Variants in ABCA12 observed in about 807,000 individuals in gnomAD.
ABCA12 encodes glucosylceramide transporter ABCA12.
ABCA12 carries 156 observed loss-of-function variants against 293.5 expected under a neutral mutation model. The ratio of observed to expected loss-of-function variants is 0.53; its 90% CI spans 0.47 to 0.61. The LOEUF (loss-of-function observed/expected upper bound fraction) is 0.61. ABCA12 is among the 20% of genes least tolerant of loss of function. The pLI, the probability that ABCA12 is intolerant of heterozygous loss-of-function variation, is 0.00. For missense variants in ABCA12, 2,797 were observed against 3,090.2 expected, an observed-to-expected ratio of 0.91 and a Z score of 2.25; for synonymous variants, 1,063 against 1,108.0, an observed-to-expected ratio of 0.96 and a Z score of 0.81.
chr2:215,097,534 G>A (rs572699593), intron 2 of ABCA12, among the ~76,000 whole-genome samples: 17 of 152,242 alleles, frequency 1.1e-4, no homozygotes, highest in African/African-American at 4.1e-4. Flanking sequence ...TTTGGGGTGT[G>A]CACAGCTGGG....
intron 2 of ABCA12, 109 bp from the exon 3 acceptor site, chr2:215,064,328 C>A: frequency 8.5e-7 from 1 of 1,182,968 alleles, no homozygotes; most frequent in Non-Finnish European, 1.2e-6. Context: ...TACCACTCTC[C>A]GGGTCCCCCA....
At chr2:214,996,895 T>G (rs1559137505) in intron 23 of ABCA12, among the ~76,000 whole-genome samples, 1 of 152,216 alleles carries the variant, frequency 6.6e-6, no homozygotes, top group Non-Finnish European at 1.5e-5. Flanking sequence ...CAATAATTAT[T>G]GTGCCCCAGT....
intron 30 of ABCA12, among the ~76,000 whole-genome samples, 184 bp from the exon 31 acceptor site, chr2:214,980,827 A>G (rs1277406424): frequency 6.6e-6 from 1 of 152,148 alleles, no homozygotes; most frequent in Non-Finnish European, 1.5e-5. Flanking sequence ...GGCCAGGCTC[A>G]CTGGTTCACG....
At chr2:215,128,378 T>C (rs1702974448) in intron 1 of ABCA12, among the ~76,000 whole-genome samples, 1 of 152,216 alleles carries the variant, frequency 6.6e-6, no homozygotes, top group African/African-American at 2.4e-5. Context: ...CCTCAATTAT[T>C]CCCCTAAATG....
Position 215,049,637 on chromosome 2 carries a change from G to A in ABCA12, c.682C>T (p.Gln228Ter). 1.2e-6 allele frequency: 2 copies of A among 1,613,232 alleles called. No homozygotes were observed. The highest frequency in any genetic ancestry group is 1.1e-5 in the South Asian group (1 of 91,060). The change falls in exon 6 of 53, where the codon CAG becomes TAG. Residue 228 changes from glutamine to a stop codon, truncating the protein, a stop_gained. Coordinates refer to ENST00000272895, the MANE Select transcript of ABCA12 (RefSeq NM_173076.3). LOFTEE classifies it high-confidence loss of function. ...LESSLQELNK[Q>*]FSQLSSDPNN... ...AGATCTACACTCACCTGGGAGAACT[G>A]TTTGTTTAGTTCTTGGAGAGAAGAC... is the stretch of plus-strand genomic sequence containing the variant.
intron 31 of ABCA12, 64 bp downstream of exon 31, chr2:214,980,419 C>A (rs1699620176): frequency 6.3e-7 from 1 of 1,596,398 alleles, no homozygotes; most frequent in South Asian, 1.1e-5. Context: ...AGAGACTCTG[C>A]TCCTATTTCA....
chr2:215,082,089 G>GGCTAGAGT lies in ABCA12; in HGVS notation c.164-17878_164-17871dup, dbSNP rs772975387. Among the ~76,000 whole-genome samples the GGCTAGAGT allele has an allele frequency of 1.2e-3, 154 of 125,348 alleles. 1 individual carries two copies. The highest frequency in any genetic ancestry group is 2.0e-3 in the Non-Finnish European group (130 of 63,894). 82.2% of individuals were successfully genotyped at this position (125,348 alleles called of 152,430 possible). On this transcript the variant is annotated intron_variant, in intron 2 of 52. Transcript: ENST00000272895. ...AGACAGAGTCTTGCTCTGTTGGCCA[G>GGCTAGAGT]GCTAGAGTGCAGTGGCACGATCTCG...
chr2:215,089,752 C>A (rs974214666), intron 2 of ABCA12, among the ~76,000 whole-genome samples: 3 of 152,198 alleles, frequency 2.0e-5, no homozygotes, highest in African/African-American at 7.2e-5. Context: ...TTTCTCAAAT[C>A]TTAGGATAAT....
At chr2:215,084,033 A>G (rs1488568032) in intron 2 of ABCA12, among the ~76,000 whole-genome samples, 1 of 152,156 alleles carries the variant, frequency 6.6e-6, no homozygotes, top group Non-Finnish European at 1.5e-5. Flanking sequence ...GCTGGAGTAC[A>G]GTGACATGAT....
chr2:215,030,465 G>C (rs4270341), intron 9 of ABCA12, among the ~76,000 whole-genome samples: 1 of 151,848 alleles, frequency 6.6e-6, no homozygotes, highest in Admixed American at 6.6e-5. Context: ...TTAGCCAGGC[G>C]TGGTGGCAAG....
intron 7 of ABCA12, among the ~76,000 whole-genome samples, chr2:215,045,210 A>C (rs1403805111): frequency 2.0e-5 from 3 of 152,204 alleles, no homozygotes; most frequent in Middle Eastern, 3.2e-3. Flanking sequence ...AGTACTGTCC[A>C]TTAAACTCTA....
In ABCA12 at chr2:215,064,215, G is replaced by A; in HGVS notation, c.168C>T (p.Tyr56=). The A allele has an allele frequency of 6.2e-7, 1 of 1,612,202 alleles. No individual in the cohort carries two copies. ...TACTAGGAAGGTTTCGAGGTGCGAG[G>A]TAACCTAAAATTAAAAAAACAGTCA... is the stretch of plus-strand genomic sequence containing the variant. ...KFPPTAKPTC[Y]LAPRNLPSTG... Residue 56 remains tyrosine, a synonymous_variant, in exon 3 of 53, where the codon TAC becomes TAT. Coordinates refer to ENST00000272895, the MANE Select transcript of ABCA12 (RefSeq NM_173076.3).
intron 51 of ABCA12, among the ~76,000 whole-genome samples, chr2:214,936,867 T>C (rs1698236161): frequency 6.6e-6 from 1 of 151,766 alleles, no homozygotes; most frequent in South Asian, 2.1e-4. Flanking sequence ...TTCCCTAATA[T>C]ATATAATGAG....
Position 214,990,895 on chromosome 2 carries a change from C to A in ABCA12, c.3431G>T (p.Gly1144Val). 1 of 1,613,836 alleles carries A rather than the reference C, an allele frequency of 6.2e-7. No individual in the cohort carries two copies. The highest frequency in any genetic ancestry group is 8.5e-7 in the Non-Finnish European group (1 of 1,179,950). Residue 1144 changes from glycine to valine, a missense_variant, in exon 24 of 53, where the codon GGG becomes GTG. Transcript: ENST00000272895. ...KFGNILPKTN[G>V]FILFLYFSDY... The stretch of plus-strand genomic sequence containing the variant: ...CGAAAAATACAGGAACAAAATGAAC[C>A]CATTTGTTTTAGGAAGAATATTGCC...
At chr2:214,999,447 C>T (rs936668279) in intron 22 of ABCA12, among the ~76,000 whole-genome samples, 36 of 152,128 alleles carry the variant, frequency 2.4e-4, no homozygotes, top group Non-Finnish European at 4.4e-5. Flanking sequence ...ATAATTCCTG[C>T]TCCTACTTAC....
chr2:215,015,169 T>A (rs5838478), intron 15 of ABCA12, among the ~76,000 whole-genome samples: 1,756 of 115,172 alleles, frequency 0.015, 28 homozygotes, highest in African/African-American at 0.048. Context: ...GTTAAAAAAA[T>A]AATAATTGCA....
chr2:215,040,212 ACT>A lies in ABCA12; in HGVS notation c.873-3149_873-3148del, dbSNP rs1356007172. ...TAGAAAGATCAAGTATTACTGGACCACTAAAAAAAGAGTTGTTCTGACTAAAT... is the reference window on the plus strand; with the variant it reads ...TAGAAAGATCAAGTATTACTGGACCAAAAAAAAGAGTTGTTCTGACTAAAT... On this transcript the variant is annotated intron_variant, in intron 7 of 52. Transcript: ENST00000272895. Among the ~76,000 whole-genome samples the A allele has an allele frequency of 1.3e-4, 20 of 152,350 alleles. No individual in the cohort carries two copies. The East Asian group carries it at 3.9e-3, about 29-fold the overall frequency.
Position 215,064,072 on chromosome 2 carries a change from T to C in ABCA12, c.311A>G (p.Lys104Arg). The C allele has an allele frequency of 6.2e-7, 1 of 1,612,722 alleles. No homozygotes were observed. Among genetic ancestry groups the C allele is most frequent in the Non-Finnish European group, 8.5e-7 (1 of 1,179,022 alleles). The change falls in exon 3 of 53, where the codon AAA (lysine) becomes AGA (arginine). Residue 104 changes from lysine (K) to arginine (R), a missense_variant. Transcript: ENST00000272895. ...RRKGIDDALF[K>R]DSEILRKSSN... ...ACTTGAGAAGTGCCCCCACCTGTCT[T>C]TAAATAGTGCATCATCAATTCCTTT...
intron 2 of ABCA12, among the ~76,000 whole-genome samples, chr2:215,105,516 A>G (rs1702445733): frequency 6.6e-6 from 1 of 151,948 alleles, no homozygotes; most frequent in Non-Finnish European, 1.5e-5. Flanking sequence ...ATGGGCCCAA[A>G]TAGTATTCTA....
Sources: gnomAD v4.1 joint callset for allele counts (sites outside exome capture counted in the v4.1 genomes callset) on GRCh38, gnomAD v4.1.1 for gene constraint, MANE v1.5 for transcripts, NCBI Gene and HGNC (gene_info 2026-07-23, HGNC 2026-07-21) for gene names.